The following LCLAT1 variants were observed in gnomAD, a reference collection of about 807,000 sequenced individuals.
LCLAT1 encodes lysocardiolipin acyltransferase 1, also known as 1-AGP acyltransferase 8.
LCLAT1 carries 11 observed loss-of-function variants against 30.7 expected under a neutral mutation model. The ratio of observed to expected loss-of-function variants is 0.36; its 90% CI spans 0.23 to 0.59. LCLAT1 has a LOEUF of 0.59. Among genes scored for constraint, LCLAT1 ranks in the 20% least tolerant of loss-of-function variants. The pLI, the probability that LCLAT1 is intolerant of heterozygous loss-of-function variation, is 0.77. For missense variants in LCLAT1, 402 were observed against 458.6 expected, an observed-to-expected ratio of 0.88 and a Z score of 1.13; for synonymous variants, 155 against 151.3, an observed-to-expected ratio of 1.02 and a Z score of -0.18.
intron 3 of LCLAT1, among the ~76,000 whole-genome samples, chr2:30,559,393 T>C (rs1327278541): frequency 4.6e-5 from 7 of 152,366 alleles, no homozygotes; most frequent in South Asian, 2.1e-4. Flanking sequence ...TACCCACTTA[T>C]CTGAAATTCT....
At chr2:30,505,681 T>C (rs2148349754) in intron 1 of LCLAT1, among the ~76,000 whole-genome samples, 1 of 152,212 alleles carries the variant, frequency 6.6e-6, no homozygotes, top group Non-Finnish European at 1.5e-5. Flanking sequence ...GTGCTTTCAG[T>C]TCCTATACCT....
At chr2:30,471,259 G>A (rs1558459075) in intron 1 of LCLAT1, among the ~76,000 whole-genome samples, 1 of 151,916 alleles carries the variant, frequency 6.6e-6, no homozygotes, top group Non-Finnish European at 1.5e-5. Flanking sequence ...GCCCAGGCTG[G>A]AGTGCAGTGG....
intron 3 of LCLAT1, among the ~76,000 whole-genome samples, chr2:30,539,829 A>G (rs879594645): frequency 2.6e-5 from 4 of 152,230 alleles, no homozygotes; most frequent in Non-Finnish European, 5.9e-5. Flanking sequence ...ATCTTATTTA[A>G]AGGTCACAAC....
At chr2:30,524,814 C>T (rs1685630849) in intron 1 of LCLAT1, among the ~76,000 whole-genome samples, 1 of 152,000 alleles carries the variant, frequency 6.6e-6, no homozygotes, top group Admixed American at 6.6e-5. Context: ...TAAACTTTAT[C>T]ATGGTATGTA....
At chr2:30,497,168 C>T (rs997833776) in intron 1 of LCLAT1, among the ~76,000 whole-genome samples, 2 of 152,152 alleles carry the variant, frequency 1.3e-5, no homozygotes, top group African/African-American at 4.8e-5. Flanking sequence ...TGATATAAAC[C>T]GAAGTGCTTG....
chr2:30,517,696 G>T, intron 1 of LCLAT1, among the ~76,000 whole-genome samples: 1 of 152,040 alleles, frequency 6.6e-6, no homozygotes, highest in Non-Finnish European at 1.5e-5. Context: ...TCTACCAAAG[G>T]GAAGGGAGAA....
At chr2:30,558,961 A>G (rs183628040) in intron 3 of LCLAT1, among the ~76,000 whole-genome samples, 2 of 150,282 alleles carry the variant, frequency 1.3e-5, no homozygotes, top group East Asian at 3.9e-4. Flanking sequence ...AGAAGTATAA[A>G]TAAACTGTAT....
chr2:30,605,842 GGGGA>G (rs1667412648), intron 5 of LCLAT1, among the ~76,000 whole-genome samples: 1 of 152,050 alleles, frequency 6.6e-6, no homozygotes, highest in Admixed American at 6.6e-5. Flanking sequence ...TCCACGGCTC[GGGGA>G]GGGAGTGGGG....
rs569647836 is a variant in LCLAT1 at position 30,534,289 on chromosome 2, C to G, written c.364+975C>G. Among the ~76,000 whole-genome samples, 354 of 150,882 alleles carry G rather than the reference C, an allele frequency of 2.3e-3. 2 individuals carry two copies. The highest frequency in any genetic ancestry group is 0.014 in the South Asian group (66 of 4,710). On this transcript the variant is annotated intron_variant, in intron 3 of 5. Transcript: ENST00000379509. ...TGTGTGTGTGTTTGGGAGACGGAGT[C>G]TCTCTCTGTCGCTCAGGCTGGAGTG... is the stretch of plus-strand genomic sequence containing the variant.
chr2:30,560,962 A>G (rs1005619003), intron 3 of LCLAT1, among the ~76,000 whole-genome samples: 1 of 152,070 alleles, frequency 6.6e-6, no homozygotes, highest in East Asian at 1.9e-4. Context: ...TCTTTTTGAG[A>G]TGGAGTTTCA....
At chr2:30,517,449 C>G (rs1384856391) in intron 1 of LCLAT1, among the ~76,000 whole-genome samples, 1 of 152,212 alleles carries the variant, frequency 6.6e-6, no homozygotes, top group Admixed American at 6.5e-5. Flanking sequence ...GTAAGATGCT[C>G]TCCTCCCCCA....
chr2:30,537,659 A>C (rs1175643860), intron 3 of LCLAT1, among the ~76,000 whole-genome samples: 1 of 152,172 alleles, frequency 6.6e-6, no homozygotes, highest in Admixed American at 6.5e-5. Flanking sequence ...CCTCACTCTC[A>C]GCAACAGATA....
At chr2:30,629,519 C>A (rs1668670979) in intron 5 of LCLAT1, among the ~76,000 whole-genome samples, 1 of 152,124 alleles carries the variant, frequency 6.6e-6, no homozygotes, top group African/African-American at 2.4e-5. Flanking sequence ...GAGATCGCGC[C>A]ATTGCACTCC....
intron 3 of LCLAT1, among the ~76,000 whole-genome samples, chr2:30,537,374 C>T (rs867443393): frequency 2.1e-5 from 3 of 142,926 alleles, no homozygotes; most frequent in South Asian, 2.2e-4. Context: ...GGCGACAGAG[C>T]GAGACTCCGT....
At chr2:30,506,263 G>T (rs570074146) in intron 1 of LCLAT1, among the ~76,000 whole-genome samples, 1 of 151,976 alleles carries the variant, frequency 6.6e-6, no homozygotes, top group African/African-American at 2.4e-5. Flanking sequence ...TTGTCTGTTT[G>T]TTTTTTCCAA....
In LCLAT1 at chr2:30,641,784, T is replaced by C. The variant is rs1219210865; in HGVS notation, c.*1165T>C. 6.6e-6 allele frequency: 1 copy of C among 152,230 alleles called. No homozygotes were observed. The highest frequency in any genetic ancestry group is 1.5e-5 in the Non-Finnish European group (1 of 68,036). 9.4% of individuals were successfully genotyped at this position (152,230 alleles called of 1,614,324 possible). ...TTTTGACCAATTGTTTGCCCAAATA[T>C]TCTTGTCATTTGGAGTCAGTGGAAA... On this transcript the variant is annotated 3_prime_UTR_variant, in exon 6 of 6. Coordinates refer to ENST00000379509, the MANE Select transcript of LCLAT1 (RefSeq NM_001002257.3).
chr2:30,566,677 T>G (rs915072174), intron 4 of LCLAT1, among the ~76,000 whole-genome samples: 12 of 152,216 alleles, frequency 7.9e-5, no homozygotes, highest in African/African-American at 2.9e-4. Flanking sequence ...GGAATGCAGC[T>G]GAGGATTGCG....
At chr2:30,510,109 G>A (rs1422606311) in intron 1 of LCLAT1, among the ~76,000 whole-genome samples, 1 of 152,126 alleles carries the variant, frequency 6.6e-6, no homozygotes, top group Non-Finnish European at 1.5e-5. Flanking sequence ...AATTTGGACC[G>A]AATGCCTTCT....
chr2:30,495,292 A>G lies in LCLAT1; in HGVS notation c.-4-30295A>G, dbSNP rs571786686. ...TTGTGTTCAAAATATTCATAGAATC[A>G]GTAAATTATGGAACTGGAAAGGACC... On this transcript the variant is annotated intron_variant, in intron 1 of 5. Coordinates refer to ENST00000379509, the MANE Select transcript of LCLAT1 (RefSeq NM_001002257.3). Among the ~76,000 whole-genome samples the G allele has an allele frequency of 3.9e-5, 6 of 152,274 alleles. No individual in the cohort carries two copies. In the South Asian group the frequency reaches 1.2e-3, roughly 32 times the overall value.
Sources: gnomAD v4.1 joint callset for allele counts (sites outside exome capture counted in the v4.1 genomes callset) on GRCh38, gnomAD v4.1.1 for gene constraint, MANE v1.5 for transcripts, NCBI Gene and HGNC (gene_info 2026-07-23, HGNC 2026-07-21) for gene names.